The following CDH18 variants were observed in gnomAD, a reference collection of about 807,000 sequenced individuals.
CDH18 encodes cadherin-18.
A neutral mutation model predicts 67.9 loss-of-function variants in CDH18; 31 were observed. The ratio of observed to expected loss-of-function variants is 0.46; its 90% confidence interval spans 0.34 to 0.62. CDH18 has a LOEUF of 0.62. Ranked by LOEUF, CDH18 falls within the 20% of genes least tolerant of loss-of-function variation. The pLI, the probability that CDH18 is intolerant of heterozygous loss-of-function variation, is 0.01. For missense variants in CDH18, 890 were observed against 975.5 expected (o/e 0.91, Z 1.17); for synonymous variants, 362 against 347.2 (o/e 1.04, Z -0.48).
rs545692351 is a variant in CDH18 at position 19,505,925 on chromosome 5, T to A, written c.1513-2816A>T. ...CTCCTCTTTGTACCTCTGGTAGAAT[T>A]TGGCTGTGAATCCATCTAGTCCTGG... On this transcript the variant is annotated intron_variant, in intron 10 of 12. Transcript: ENST00000382275. Among the ~76,000 whole-genome samples the A allele has an allele frequency of 3.4e-3, 513 of 152,264 alleles. 2 individuals carry two copies. The highest frequency in any genetic ancestry group is 0.012 in the African/African-American group (494 of 41,556).
chr5:19,891,272 T>C (rs1438292791), intron 2 of CDH18, among the ~76,000 whole-genome samples: 1 of 152,106 alleles, frequency 6.6e-6, no homozygotes, highest in African/African-American at 2.4e-5. Flanking sequence ...CTAACATCAG[T>C]ATAATTTTAT....
chr5:20,050,575 G>A (rs1741332529), intron 2 of CDH18, among the ~76,000 whole-genome samples: 1 of 151,812 alleles, frequency 6.6e-6, no homozygotes. Context: ...GAGCTAAAAT[G>A]TTACAATCCA....
intron 2 of CDH18, among the ~76,000 whole-genome samples, chr5:20,095,411 G>T (rs1745846658): frequency 8.2e-6 from 1 of 122,264 alleles, no homozygotes; most frequent in Non-Finnish European, 1.7e-5. Flanking sequence ...AAGAAAGAAA[G>T]AAAGAAAGAA....
chr5:20,161,897 T>C (rs1470391117), intron 2 of CDH18, among the ~76,000 whole-genome samples: 1 of 152,210 alleles, frequency 6.6e-6, no homozygotes, highest in African/African-American at 2.4e-5. Flanking sequence ...AAATTCAGAA[T>C]GAATAACTAT....
At chr5:19,775,739 A>T (rs1774293669) in intron 3 of CDH18, among the ~76,000 whole-genome samples, 1 of 152,176 alleles carries the variant, frequency 6.6e-6, no homozygotes, top group Admixed American at 6.6e-5. Flanking sequence ...TAGCTGAGGC[A>T]GATGTACATC....
chr5:20,411,538 G>C (rs745684417), intron 1 of CDH18, among the ~76,000 whole-genome samples: 3 of 151,790 alleles, frequency 2.0e-5, no homozygotes, highest in East Asian at 1.9e-4. Flanking sequence ...TGTTGGCAAC[G>C]AATCCATGGA....
chr5:20,386,089 T>C (rs925156007), intron 1 of CDH18, among the ~76,000 whole-genome samples: 1 of 152,194 alleles, frequency 6.6e-6, no homozygotes, highest in African/African-American at 2.4e-5. Flanking sequence ...GAACTTATTA[T>C]TGCTTTTCAT....
At chr5:20,280,592 T>G (rs998174008) in intron 1 of CDH18, among the ~76,000 whole-genome samples, 3 of 152,218 alleles carry the variant, frequency 2.0e-5, no homozygotes, top group Admixed American at 1.3e-4. Flanking sequence ...CACATTTTCT[T>G]AATCTAGTCT....
intron 2 of CDH18, among the ~76,000 whole-genome samples, chr5:19,856,942 G>C (rs1245935441): frequency 6.6e-6 from 1 of 152,064 alleles, no homozygotes. Context: ...CTTGAGGCAG[G>C]TTGGGCAAGA....
intron 1 of CDH18, among the ~76,000 whole-genome samples, chr5:20,540,727 T>C (rs1340914009): frequency 6.6e-6 from 1 of 152,190 alleles, no homozygotes; most frequent in African/African-American, 2.4e-5. Flanking sequence ...CTACGAATAT[T>C]TAGGATCACC....
chr5:20,001,121 G>A (rs571974309), intron 2 of CDH18, among the ~76,000 whole-genome samples: 94 of 152,252 alleles, frequency 6.2e-4, no homozygotes, highest in South Asian at 3.9e-3. Context: ...GTCAAATGAA[G>A]TCTCATAATT....
chr5:19,967,227 ATACAT>A (rs1404771758), intron 2 of CDH18, among the ~76,000 whole-genome samples: 1 of 152,050 alleles, frequency 6.6e-6, no homozygotes, highest in Admixed American at 6.6e-5. Flanking sequence ...CATCTAAAGG[ATACAT>A]TAATTACAAA....
intron 1 of CDH18, among the ~76,000 whole-genome samples, chr5:20,339,205 T>A (rs558290449): frequency 6.6e-6 from 1 of 152,126 alleles, no homozygotes; most frequent in Non-Finnish European, 1.5e-5. Context: ...ACACTGGGAC[T>A]CCTTTGACCC....
chr5:19,999,659 T>C (rs1736289513), intron 2 of CDH18, among the ~76,000 whole-genome samples: 1 of 152,098 alleles, frequency 6.6e-6, no homozygotes, highest in South Asian at 2.1e-4. Context: ...GACACTAGCC[T>C]CAATGTTTTT....
chr5:20,146,087 G>A (rs1244582203), intron 2 of CDH18, among the ~76,000 whole-genome samples: 1 of 152,036 alleles, frequency 6.6e-6, no homozygotes, highest in African/African-American at 2.4e-5. Flanking sequence ...CTAGTCAACT[G>A]GTCTCCTCCT....
intron 2 of CDH18, among the ~76,000 whole-genome samples, chr5:20,052,132 G>C (rs1056826510): frequency 6.6e-6 from 1 of 152,126 alleles, no homozygotes; most frequent in Non-Finnish European, 1.5e-5. Flanking sequence ...GGTTGAGTCA[G>C]AGAGAGCATT....
chr5:19,601,413 G>A (rs968423543), intron 6 of CDH18, among the ~76,000 whole-genome samples: 1 of 152,024 alleles, frequency 6.6e-6, no homozygotes, highest in Non-Finnish European at 1.5e-5. Flanking sequence ...AGGAAGAAAT[G>A]AAAATTCTGA....
intron 2 of CDH18, among the ~76,000 whole-genome samples, chr5:20,179,315 C>G (rs114617078): frequency 0.011 from 1,688 of 152,188 alleles, 32 homozygotes; most frequent in African/African-American, 0.038. Context: ...GATTAAAGAA[C>G]TTCTTCAAAC....
intron 5 of CDH18, 97 bp downstream of exon 5, chr5:19,721,250 A>G: frequency 8.8e-7 from 1 of 1,133,412 alleles, no homozygotes; most frequent in Non-Finnish European, 1.2e-6. Context: ...TTAAAATCAC[A>G]TCATCTAATG....
Sources: gnomAD v4.1 joint callset for allele counts (sites outside exome capture counted in the v4.1 genomes callset) on GRCh38, gnomAD v4.1.1 for gene constraint, MANE v1.5 for transcripts, NCBI Gene and HGNC (gene_info 2026-07-23, HGNC 2026-07-21) for gene names.